GOLGA1: variants seen among roughly 807,000 people sequenced by gnomAD.
GOLGA1 encodes golgin A1.
A neutral mutation model predicts 119.7 loss-of-function variants in GOLGA1; 63 were observed. That is an observed-to-expected ratio of 0.53 (90% CI 0.43 to 0.65). The LOEUF is 0.65. GOLGA1 is among the 30% of genes least tolerant of loss of function. GOLGA1 has a pLI of 0.00. For missense variants in GOLGA1, 798 were observed against 912.8 expected (o/e 0.87, Z 1.62); for synonymous variants, 318 against 333.4 (o/e 0.95, Z 0.50).
chr9:124,924,629 C>A (rs1290039851), intron 7 of GOLGA1, among the ~76,000 whole-genome samples: 11 of 123,990 alleles, frequency 8.9e-5, no homozygotes, highest in African/African-American at 3.5e-4. Flanking sequence ...GTGGTGAGAC[C>A]CTGTCTCAAA....
At chr9:124,890,066 T>G (rs145313187) in intron 16 of GOLGA1, among the ~76,000 whole-genome samples, 1 of 152,272 alleles carries the variant, frequency 6.6e-6, no homozygotes, top group African/African-American at 2.4e-5. Flanking sequence ...CAACCTTACG[T>G]GGCCTCTGGG....
chr9:124,887,276 G>A (rs1829745324), intron 19 of GOLGA1: 1 of 152,532 alleles, frequency 6.6e-6, no homozygotes, highest in Admixed American at 6.5e-5. Flanking sequence ...TGCGAGCTGA[G>A]GTGACACTAG....
chr9:124,882,466 G>A (rs367601449), intron 20 of GOLGA1, 44 bp downstream of exon 20: 42 of 1,436,582 alleles, frequency 2.9e-5, no homozygotes, highest in Non-Finnish European at 3.9e-5. Flanking sequence ...CAGGCAGCAG[G>A]GGGAGTGCTG....
chr9:124,892,896 C>T (rs1242439304), intron 15 of GOLGA1, among the ~76,000 whole-genome samples: 1 of 147,192 alleles, frequency 6.8e-6, no homozygotes, highest in Non-Finnish European at 1.5e-5. Flanking sequence ...CACGCCATTG[C>T]ACTCCAGCCT....
rs747733585 is a variant in GOLGA1, at chr9:124,912,097, C to T, written c.844-71G>A. The T allele has an allele frequency of 4.6e-4, 659 of 1,430,266 alleles. 2 individuals carry two copies. Among genetic ancestry groups the T allele is most frequent in the Admixed American group, 1.5e-3 (77 of 53,072 alleles). The allele number at this position is 1,430,266 out of a possible 1,614,324, so 88.6% of individuals were successfully genotyped here. A position where few individuals can be genotyped will look rare whatever the true frequency, so the allele number is the denominator to read the frequency against. On this transcript the variant is annotated intron_variant, in intron 10 of 22. Coordinates refer to ENST00000373555, the MANE Select transcript of GOLGA1 (RefSeq NM_002077.4). ...CCTTCCTTCCTGCTTTCTTTTGGGC[C>T]ATCACATTTTCCTGCAACTCTGTCC... is the stretch of plus-strand genomic sequence containing the variant.
At chr9:124,926,774 A>C in intron 6 of GOLGA1, 33 bp from the exon 7 acceptor site, 1 of 1,326,112 alleles carries the variant, frequency 7.5e-7, no homozygotes, top group Non-Finnish European at 1.1e-6. Flanking sequence ...TATGGTTTCC[A>C]GTGAAGAGTA....
chr9:124,916,448 T>C (rs1251713201), intron 10 of GOLGA1, among the ~76,000 whole-genome samples: 2 of 152,054 alleles, frequency 1.3e-5, no homozygotes, highest in African/African-American at 4.8e-5. Context: ...AAAAAAAGAA[T>C]ATAAGAAATA....
At chr9:124,890,314 GTC>G in intron 16 of GOLGA1, 73 bp downstream of exon 16, 1 of 1,005,814 alleles carries the variant, frequency 9.9e-7, no homozygotes. Context: ...CTCTCCAACA[GTC>G]TCACGGCAGG....
At chr9:124,923,362 C>T in intron 7 of GOLGA1, 139 bp from the exon 8 acceptor site, 1 of 649,236 alleles carries the variant, frequency 1.5e-6, no homozygotes, top group Non-Finnish European at 2.6e-6. Context: ...GCCTTGAACT[C>T]CTGGGCTCAT....
intron 3 of GOLGA1, among the ~76,000 whole-genome samples, chr9:124,937,286 T>C (rs1225102804): frequency 1.3e-5 from 2 of 152,086 alleles, no homozygotes; most frequent in South Asian, 4.1e-4. Context: ...ACTCTGTCTC[T>C]ACTAAAAATA....
intron 15 of GOLGA1, among the ~76,000 whole-genome samples, chr9:124,893,518 T>C (rs538319992): frequency 6.6e-6 from 1 of 152,300 alleles, no homozygotes; most frequent in Non-Finnish European, 1.5e-5. Flanking sequence ...ATCATTTTAA[T>C]CCAAAATTAG....
chr9:124,939,046 C>A (rs1830940553), intron 2 of GOLGA1, among the ~76,000 whole-genome samples, 180 bp from the exon 3 acceptor site: 1 of 152,080 alleles, frequency 6.6e-6, no homozygotes, highest in Non-Finnish European at 1.5e-5. Flanking sequence ...GATGAAGAAA[C>A]CCAGTCTCAA....
intron 11 of GOLGA1, among the ~76,000 whole-genome samples, chr9:124,911,356 C>T (rs542065983): frequency 6.6e-6 from 1 of 152,320 alleles, no homozygotes; most frequent in Admixed American, 6.5e-5. Flanking sequence ...TGGGCTTTGT[C>T]ACCTTTGTCA....
intron 12 of GOLGA1, among the ~76,000 whole-genome samples, chr9:124,907,524 C>A (rs1830257692): frequency 6.6e-6 from 1 of 152,082 alleles, no homozygotes; most frequent in Non-Finnish European, 1.5e-5. Flanking sequence ...GATACATGGA[C>A]AAAGTTAACA....
At position 124,882,678 on chromosome 9, in the gene GOLGA1, T is replaced by G. The variant is rs1829618155; in HGVS notation, c.1906-109A>C. ...CCCCTGTACACCTGTGAGGAGCCTC[T>G]GCCCTGAGAAGTCATCCTGAGAGGC... On this transcript the variant is annotated intron_variant, in intron 19 of 22. Coordinates refer to ENST00000373555, the MANE Select transcript of GOLGA1 (RefSeq NM_002077.4). The G allele has an allele frequency of 8.3e-6, 7 of 842,658 alleles. No individual in the cohort carries two copies. In the East Asian group the frequency reaches 1.8e-4, roughly 21 times the overall value. 52.2% of individuals were successfully genotyped at this position (842,658 alleles called of 1,614,324 possible).
At chr9:124,899,066 C>G (rs1830041612) in intron 14 of GOLGA1, among the ~76,000 whole-genome samples, 1 of 152,096 alleles carries the variant, frequency 6.6e-6, no homozygotes. Context: ...TGTGGTGGTG[C>G]ACGCCTGTAG....
At chr9:124,893,425 T>C (rs1829900146) in intron 15 of GOLGA1, among the ~76,000 whole-genome samples, 1 of 152,042 alleles carries the variant, frequency 6.6e-6, no homozygotes, top group South Asian at 2.1e-4. Flanking sequence ...TGTGAGTCTG[T>C]TTCTTTTGTG....
At chr9:124,899,222 G>A in intron 14 of GOLGA1, 107 bp downstream of exon 14, 1 of 1,003,960 alleles carries the variant, frequency 1.0e-6, no homozygotes, top group East Asian at 2.6e-5. Flanking sequence ...GCCTTCTAAA[G>A]TGGTTTCCTA....
chr9:124,944,129 G>A (rs960123001), upstream of GOLGA1: 1 of 152,094 alleles, frequency 6.6e-6, no homozygotes, highest in Admixed American at 6.5e-5. Context: ...AAGCAAAAAA[G>A]TTGGAGAACT....
Sources: gnomAD v4.1 joint callset for allele counts (sites outside exome capture counted in the v4.1 genomes callset) on GRCh38, gnomAD v4.1.1 for gene constraint, MANE v1.5 for transcripts, NCBI Gene and HGNC (gene_info 2026-07-23, HGNC 2026-07-21) for gene names.